Variants in NCK1 observed in about 807,000 individuals in gnomAD.
The protein encoded by NCK1 is SH2/SH3 adapter protein NCK1.
NCK1 carries 19 observed loss-of-function variants against 36.6 expected under a neutral mutation model. The ratio of observed to expected loss-of-function variants is 0.52; its 90% CI spans 0.36 to 0.76. NCK1 has a LOEUF of 0.76. Ranked by LOEUF, NCK1 falls within the 30% of genes least tolerant of loss-of-function variation. The probability of loss-of-function intolerance (pLI) is 0.00; values close to 1 mark genes in which losing one functional copy is unlikely to be tolerated. For missense variants in NCK1, 358 were observed against 445.6 expected (o/e 0.80, Z 1.77); for synonymous variants, 165 against 156.0 (o/e 1.06, Z -0.43).
chr3:136,875,951 A>G (rs936693763), intron 1 of NCK1, among the ~76,000 whole-genome samples: 50 of 152,258 alleles, frequency 3.3e-4, no homozygotes, highest in Admixed American at 3.1e-3. Context: ...ATAACAAACT[A>G]TCTCTCAGGC....
intron 1 of NCK1, among the ~76,000 whole-genome samples, chr3:136,876,853 C>T (rs893655083): frequency 6.6e-6 from 1 of 152,084 alleles, no homozygotes; most frequent in African/African-American, 2.4e-5. Context: ...TGCCTAAGAT[C>T]AATTTCTAAA....
chr3:136,882,547 C>T (rs1938970322), intron 1 of NCK1, among the ~76,000 whole-genome samples: 1 of 143,410 alleles, frequency 7.0e-6, no homozygotes, highest in Non-Finnish European at 1.5e-5. Flanking sequence ...TCCCACATCA[C>T]TGTGTGTGTG....
intron 1 of NCK1, among the ~76,000 whole-genome samples, chr3:136,905,870 C>G (rs912340073): frequency 1.3e-5 from 2 of 152,080 alleles, no homozygotes; most frequent in Non-Finnish European, 1.5e-5. Context: ...AGCAGTCTGC[C>G]TGCCTCAGTC....
chr3:136,910,017 T>C (rs1939794786), intron 1 of NCK1, among the ~76,000 whole-genome samples: 1 of 152,212 alleles, frequency 6.6e-6, no homozygotes. Context: ...ATTTTTTTTC[T>C]ATTCATCTTG....
intron 1 of NCK1, among the ~76,000 whole-genome samples, chr3:136,873,710 G>A (rs1462888090): frequency 1.3e-5 from 2 of 152,248 alleles, no homozygotes; most frequent in Non-Finnish European, 2.9e-5. Context: ...TAATTGAATC[G>A]TGGGAGTGGG....
intron 1 of NCK1, among the ~76,000 whole-genome samples, chr3:136,867,732 G>C (rs1055176290): frequency 6.6e-6 from 1 of 152,102 alleles, no homozygotes; most frequent in African/African-American, 2.4e-5. Flanking sequence ...AACATTTAGT[G>C]ATGGGGGCAG....
chr3:136,893,722 C>CTTTA (rs113547894), intron 1 of NCK1, among the ~76,000 whole-genome samples: 5 of 152,208 alleles, frequency 3.3e-5, no homozygotes, highest in African/African-American at 9.6e-5. Context: ...TGGCTTAAAC[C>CTTTA]CTACATTGAT....
chr3:136,942,487 AAAAC>A (rs556304325), intron 2 of NCK1, among the ~76,000 whole-genome samples: 16 of 152,156 alleles, frequency 1.1e-4, no homozygotes, highest in South Asian at 2.1e-4. Context: ...GCCAAAAGAA[AAAAC>A]AAACAAACAA....
At chr3:136,923,284 G>A (rs893306152) in intron 1 of NCK1, among the ~76,000 whole-genome samples, 8 of 143,152 alleles carry the variant, frequency 5.6e-5, no homozygotes, top group Non-Finnish European at 1.1e-4. Flanking sequence ...GGCCGGGCGC[G>A]GTGGCTCACG....
chr3:136,890,271 G>C (rs1022184690), intron 1 of NCK1, among the ~76,000 whole-genome samples: 1 of 152,140 alleles, frequency 6.6e-6, no homozygotes, highest in Non-Finnish European at 1.5e-5. Flanking sequence ...CGGCCGGCAG[G>C]GCCGGCCGGC....
chr3:136,944,091 C>T (rs1025523549), intron 2 of NCK1, among the ~76,000 whole-genome samples: 4 of 131,024 alleles, frequency 3.1e-5, no homozygotes, highest in Admixed American at 2.3e-4. Flanking sequence ...GTGAAAAAGT[C>T]GAGGGAAAAG....
chr3:136,897,314 A>T (rs1389166822), intron 1 of NCK1, among the ~76,000 whole-genome samples: 1 of 151,604 alleles, frequency 6.6e-6, no homozygotes, highest in African/African-American at 2.4e-5. Flanking sequence ...TTGGTCTGAA[A>T]CTCCTGACCT....
chr3:136,928,354 T>TC, intron 2 of NCK1, 127 bp downstream of exon 2: 3 of 848,934 alleles, frequency 3.5e-6, no homozygotes, highest in Non-Finnish European at 5.4e-6. Context: ...TAAGTTTGAG[T>TC]CATAGCAGGT....
At chr3:136,872,190 C>G (rs1002297541) in intron 1 of NCK1, among the ~76,000 whole-genome samples, 10 of 152,182 alleles carry the variant, frequency 6.6e-5, no homozygotes, top group African/African-American at 2.4e-4. Context: ...TGTTGAATGA[C>G]TTTGCCCAAA....
chr3:136,886,514 T>C (rs1015226315), intron 1 of NCK1, among the ~76,000 whole-genome samples: 1 of 152,214 alleles, frequency 6.6e-6, no homozygotes, highest in African/African-American at 2.4e-5. Context: ...GGAAAAAACG[T>C]CTGTATATGT....
chr3:136,913,968 A>G (rs1462949513), intron 1 of NCK1, among the ~76,000 whole-genome samples: 1 of 152,160 alleles, frequency 6.6e-6, no homozygotes, highest in Non-Finnish European at 1.5e-5. Context: ...CCGCACAGTG[A>G]TTTTCTAAAT....
At chr3:136,910,538 C>T (rs946917466) in intron 1 of NCK1, among the ~76,000 whole-genome samples, 4 of 152,176 alleles carry the variant, frequency 2.6e-5, no homozygotes, top group African/African-American at 9.6e-5. Flanking sequence ...TTTATACTTG[C>T]CCATGCATTT....
intron 1 of NCK1, among the ~76,000 whole-genome samples, chr3:136,866,334 G>A (rs1938409708): frequency 6.7e-6 from 1 of 148,432 alleles, no homozygotes; most frequent in Non-Finnish European, 1.5e-5. Flanking sequence ...TTGAGACAGA[G>A]TCTCGCTCTG....
rs761148513 is a variant in NCK1, at chr3:136,946,258, A to G, written c.902A>G (p.His301Arg). ...QAEMALNERG[H>R]EGDFLIRDSE... The stretch of plus-strand genomic sequence containing the variant: ...GAAATGGCATTAAATGAAAGAGGAC[A>G]TGAAGGGGATTTCCTCATTCGTGAT... Residue 301 changes from histidine to arginine, a missense_variant, in exon 3 of 4, where the codon CAT becomes CGT. Physicochemically the swap from His to Arg is conservative, Grantham distance 29. Around this residue, in one of 3 missense-constraint regions of NCK1, gnomAD observed 207 missense variants for 253.4 expected, o/e 0.82. Transcript: ENST00000481752. 3 of 1,613,226 alleles carry G rather than the reference A, an allele frequency of 1.9e-6. No individual in the cohort carries two copies. Among genetic ancestry groups the G allele is most frequent in the South Asian group, 2.2e-5 (2 of 91,030 alleles).
Sources: gnomAD v4.1 joint callset for allele counts (sites outside exome capture counted in the v4.1 genomes callset) on GRCh38, gnomAD v4.1.1 for gene constraint, gnomAD v4.1.1 regional missense constraint, MANE v1.5 for transcripts, NCBI Gene and HGNC (gene_info 2026-07-23, HGNC 2026-07-21) for gene names.